Variants in GET4 observed in about 807,000 individuals in gnomAD.
GET4 encodes guided entry of tail-anchored proteins factor 4.
GET4 carries 20 observed loss-of-function variants against 40.0 expected under a neutral mutation model. That is an observed-to-expected ratio of 0.50 (90% CI 0.35 to 0.73). GET4 has a LOEUF of 0.73. Ranked by LOEUF, GET4 falls within the 30% of genes least tolerant of loss-of-function variation. GET4 has a pLI of 0.01. For missense variants in GET4, 557 were observed against 454.0 expected (o/e 1.23, Z -2.06); for synonymous variants, 280 against 194.6 (o/e 1.44, Z -3.65).
At chr7:884,598 G>A (rs1844151790) in intron 1 of GET4, 1 of 267,846 alleles carries the variant, frequency 3.7e-6, no homozygotes, top group Non-Finnish European at 7.5e-6. Flanking sequence ...ATGCCCGGAT[G>A]TGGCGGGGCT....
intron 1 of GET4, chr7:884,001 A>C (rs1844137797): frequency 1.8e-6 from 2 of 1,128,786 alleles, no homozygotes; most frequent in Admixed American, 8.5e-5. Context: ...CGCAGTCCAA[A>C]CCAGGCCGGG....
chr7:879,043 G>A (rs1311908120), intron 1 of GET4, among the ~76,000 whole-genome samples: 3 of 152,202 alleles, frequency 2.0e-5, no homozygotes, highest in Non-Finnish European at 4.4e-5. Flanking sequence ...GGTGTGTGGG[G>A]GGATGAGGAA....
At chr7:891,654 GAAC>G (rs1242013151) in intron 5 of GET4, among the ~76,000 whole-genome samples, 1 of 152,230 alleles carries the variant, frequency 6.6e-6, no homozygotes, top group Non-Finnish European at 1.5e-5. Context: ...TCTTCCCACA[GAAC>G]AAATATGGAT....
Position 887,455 on chromosome 7 carries a change from T to C in GET4, c.402T>C (p.Ser134=). The C allele has an allele frequency of 1.3e-6, 2 of 1,594,608 alleles. No homozygotes were observed. The highest frequency in any genetic ancestry group is 1.7e-6 in the Non-Finnish European group (2 of 1,168,498). Residue 134 remains serine, a synonymous_variant, in exon 4 of 9, where the codon AGT becomes AGC. Transcript: ENST00000265857. ...TGTCCAGAGCCCTGAAGTGGTCCAGTGGGGGCTCCGGGAAGCTGGGCCACC... is the reference window on the plus strand; with the variant it reads ...TGTCCAGAGCCCTGAAGTGGTCCAGCGGGGGCTCCGGGAAGCTGGGCCACC... ...TFVSRALKWS[S]GGSGKLGHPR... is the part of the protein sequence containing the mutation.
At chr7:894,369 G>A (rs374809366) in intron 8 of GET4, among the ~76,000 whole-genome samples, 10 of 152,170 alleles carry the variant, frequency 6.6e-5, no homozygotes, top group East Asian at 5.8e-4. Context: ...CGGCGGGGCG[G>A]GTGTCTCACT....
At chr7:885,717 C>G (rs59916873) in intron 1 of GET4, 47,086 of 265,314 alleles carry the variant, frequency 0.18, 4,600 homozygotes, top group South Asian at 0.27. Flanking sequence ...ACATGCACAT[C>G]CCCTGCTCCT....
chr7:891,417 A>G (rs1348919067), intron 5 of GET4, among the ~76,000 whole-genome samples: 4 of 151,616 alleles, frequency 2.6e-5, no homozygotes, highest in Admixed American at 2.6e-4. Flanking sequence ...GTGAGCATCT[A>G]CCCCGCGGCC....
At chr7:888,140 C>T (rs1302616879) in intron 4 of GET4, among the ~76,000 whole-genome samples, 1 of 152,170 alleles carries the variant, frequency 6.6e-6, no homozygotes, top group Non-Finnish European at 1.5e-5. Context: ...GAGGCCTGCT[C>T]GGGTCTGCAT....
chr7:876,748 G>C lies in GET4; in HGVS notation c.103G>C (p.Glu35Gln), dbSNP rs371617550. Residue 35 changes from glutamate (E) to glutamine (Q), a missense_variant, in exon 1 of 9, where the codon GAG becomes CAG. Coordinates refer to ENST00000265857, the MANE Select transcript of GET4 (RefSeq NM_015949.3). ...GGAGGGCAAGCTGCGCGCCAGCGTC[G>C]AGAAGGGCGACTACTACGAGGCGCA... is the stretch of plus-strand genomic sequence containing the variant. Reference protein sequence around the residue: ...RVEGKLRASVEKGDYYEAHQM... With the variant: ...RVEGKLRASVQKGDYYEAHQM... The C allele has an allele frequency of 1.5e-6, 2 of 1,372,280 alleles. No individual in the cohort carries two copies. The highest frequency in any genetic ancestry group is 3.1e-5 in the African/African-American group (2 of 64,732). 85.0% of individuals were successfully genotyped at this position (1,372,280 alleles called of 1,614,324 possible).
chr7:894,881 G>A (rs541503664), intron 8 of GET4, among the ~76,000 whole-genome samples: 6 of 152,360 alleles, frequency 3.9e-5, no homozygotes, highest in Admixed American at 1.3e-4. Flanking sequence ...GTTGGCCCCT[G>A]TGGGAGCAGC....
intron 3 of GET4, chr7:887,160 GTCCT>G (rs770291941): frequency 4.2e-6 from 3 of 719,602 alleles, no homozygotes; most frequent in Middle Eastern, 2.3e-4. Flanking sequence ...CAGGGCGTCC[GTCCT>G]TCCTTCCTCG....
At chr7:893,010 TTGCAGGTGAGGGGTGTAGGCGTGTG>T (rs1844365374) in intron 6 of GET4, among the ~76,000 whole-genome samples, 6 of 113,594 alleles carry the variant, frequency 5.3e-5, no homozygotes, top group East Asian at 3.0e-4. Flanking sequence ...GTGGTGGTGT[TTGCAGGTGAGGGGTGTAGGCGTGTG>T]TGCAGGTGAG....
At chr7:882,969 G>A (rs1216505077) in intron 1 of GET4, 3 of 152,334 alleles carry the variant, frequency 2.0e-5, no homozygotes, top group African/African-American at 7.2e-5. Context: ...CTCCTGCAGT[G>A]TGTTTGCGTG....
chr7:877,778 C>T (rs1326973124), intron 1 of GET4: 1 of 80,276 alleles, frequency 1.2e-5, no homozygotes, highest in Non-Finnish European at 2.6e-5. Flanking sequence ...TTGGCCCCCA[C>T]CTGTTCCCCT....
Position 886,049 on chromosome 7 carries a change from G to A in GET4, c.156-7G>A, listed in dbSNP as rs202165203. Reference sequence around the variant, plus strand: ...GGGCGTGGCTCACGGTCTCCTCTCTGTGGCAGGTACATGTCCCAGAGCAAG... The same window carrying A: ...GGGCGTGGCTCACGGTCTCCTCTCTATGGCAGGTACATGTCCCAGAGCAAG... On this transcript the variant is annotated splice_polypyrimidine_tract_variant and splice_region_variant and intron_variant, in intron 1 of 8. Coordinates refer to ENST00000265857, the MANE Select transcript of GET4 (RefSeq NM_015949.3). The A allele has an allele frequency of 4.4e-6, 7 of 1,580,290 alleles. No individual in the cohort carries two copies. Among genetic ancestry groups the A allele is most frequent in the Non-Finnish European group, 6.1e-6 (7 of 1,150,902 alleles).
rs377145459 is a variant in GET4, at chr7:886,014, G to C, written c.156-42G>C. ...AAGATGAGCGGGGGAGCGCGGTGGC[G>C]AGGGCACGTGGGCGTGGCTCACGGT... On this transcript the variant is annotated intron_variant, in intron 1 of 8. Transcript: ENST00000265857. 1.1e-5 allele frequency: 13 copies of C among 1,191,688 alleles called. No individual in the cohort carries two copies. In the African/African-American group the frequency reaches 1.5e-4, roughly 14 times the overall value. 73.8% of individuals were successfully genotyped at this position (1,191,688 alleles called of 1,614,324 possible).
chr7:893,881 G>T lies in GET4; in HGVS notation c.823-18G>T, dbSNP rs376992179. The T allele has an allele frequency of 6.2e-7, 1 of 1,611,766 alleles. No homozygotes were observed. The highest frequency in any genetic ancestry group is 8.5e-7 in the Non-Finnish European group (1 of 1,178,682). On this transcript the variant is annotated intron_variant, in intron 7 of 8. Coordinates refer to ENST00000265857, the MANE Select transcript of GET4 (RefSeq NM_015949.3). ...GTCTGGGTCCACCCCCTCTGAGCCC[G>T]CTGCCTGTGCCTTGCAGTACCTCGA... is the stretch of plus-strand genomic sequence containing the variant.
rs1294883298 is a variant in GET4, at chr7:893,830, CT to C, written c.822+16del. 1.2e-6 allele frequency: 2 copies of C among 1,608,274 alleles called. No individual in the cohort carries two copies. Among genetic ancestry groups the C allele is most frequent in the Non-Finnish European group, 8.5e-7 (1 of 1,175,266 alleles). ...TGTACAACGAGGTGAGAGCTTGGGG[CT>C]GGGGAGGGAGGAGGGGACCCCACGG... On this transcript the variant is annotated intron_variant, in intron 7 of 8. Transcript: ENST00000265857.
intron 1 of GET4, chr7:882,755 T>C (rs1264385963): frequency 2.0e-5 from 3 of 152,488 alleles, no homozygotes; most frequent in Admixed American, 1.3e-4. Flanking sequence ...CGGGGAGTCA[T>C]CTCCCAGGCC....
Sources: gnomAD v4.1 joint callset for allele counts (sites outside exome capture counted in the v4.1 genomes callset) on GRCh38, gnomAD v4.1.1 for gene constraint, MANE v1.5 for transcripts, NCBI Gene and HGNC (gene_info 2026-07-23, HGNC 2026-07-21) for gene names.